MAGI2: variants seen among roughly 807,000 people sequenced by gnomAD.
The protein encoded by MAGI2 is membrane associated guanylate kinase, WW and PDZ domain containing 2, also known as membrane-associated guanylate kinase, WW and PDZ domain-containing protein 2.
In MAGI2, 35 loss-of-function variants were observed where a neutral mutation model predicts 133.3. The observed-to-expected ratio is 0.26, with a 90% CI of 0.20 to 0.35. The LOEUF is 0.35. Among genes scored for constraint, MAGI2 ranks in the 10% least tolerant of loss-of-function variants. The pLI is 1.00. For missense variants in MAGI2, 1,636 were observed against 1,863.4 expected (o/e 0.88, Z 2.25); for synonymous variants, 729 against 710.6 (o/e 1.03, Z -0.41).
chr7:78,450,414 G>T (rs1389048341), intron 6 of MAGI2, among the ~76,000 whole-genome samples: 2 of 152,130 alleles, frequency 1.3e-5, no homozygotes, highest in East Asian at 3.9e-4. Context: ...TCTTGAAATT[G>T]CCCCATTTAG....
rs760058716 is a variant in MAGI2 at position 78,255,930 on chromosome 7, G to C, written c.2047+13C>G. 4 of 1,612,508 alleles carry C rather than the reference G, an allele frequency of 2.5e-6. No homozygotes were observed. Among genetic ancestry groups the C allele is most frequent in the Non-Finnish European group, 3.4e-6 (4 of 1,179,296 alleles). On this transcript the variant is annotated intron_variant, in intron 10 of 21. Transcript: ENST00000354212. ...ACCCACATATTTTATTGCTGAGCCA[G>C]TGTTTGTCTTACCTCCTCGATGGAT...
At chr7:78,447,536 A>T (rs1015623110) in intron 6 of MAGI2, among the ~76,000 whole-genome samples, 1 of 152,074 alleles carries the variant, frequency 6.6e-6, no homozygotes, top group African/African-American at 2.4e-5. Flanking sequence ...TGGATACCCA[A>T]TGGGGATCTG....
At chr7:78,350,403 C>T (rs976087505) in intron 7 of MAGI2, 1 of 152,180 alleles carries the variant, frequency 6.6e-6, no homozygotes, top group Admixed American at 6.5e-5. Context: ...AGAATGAGAT[C>T]CACAGGCATT....
At chr7:78,703,353 C>A (rs1297402241) in intron 2 of MAGI2, among the ~76,000 whole-genome samples, 1 of 151,946 alleles carries the variant, frequency 6.6e-6, no homozygotes, top group Non-Finnish European at 1.5e-5. Context: ...GTTGTAGAAG[C>A]AGACTGTAAC....
intron 2 of MAGI2, among the ~76,000 whole-genome samples, chr7:78,928,652 G>T (rs1380391532): frequency 1.3e-5 from 2 of 152,068 alleles, no homozygotes; most frequent in Admixed American, 6.6e-5. Context: ...AATACTTGCT[G>T]AATGATTAAA....
intron 9 of MAGI2, among the ~76,000 whole-genome samples, chr7:78,302,573 C>T (rs532573180): frequency 2.0e-5 from 3 of 152,254 alleles, no homozygotes; most frequent in South Asian, 2.1e-4. Context: ...TTATTACAAA[C>T]GAATATAAAC....
chr7:79,070,095 T>C (rs1173470535), intron 1 of MAGI2, among the ~76,000 whole-genome samples: 3 of 152,156 alleles, frequency 2.0e-5, no homozygotes, highest in African/African-American at 4.8e-5. Context: ...GGGTTTGCTC[T>C]TCTCAAGGAG....
At chr7:78,075,375 T>C in intron 21 of MAGI2, among the ~76,000 whole-genome samples, 1 of 132,400 alleles carries the variant, frequency 7.6e-6, no homozygotes, top group African/African-American at 3.3e-5. Context: ...ATGTAATAAA[T>C]CTTTTTTTTT....
At chr7:79,027,138 G>A (rs867571848) in intron 1 of MAGI2, among the ~76,000 whole-genome samples, 1 of 151,680 alleles carries the variant, frequency 6.6e-6, no homozygotes, top group African/African-American at 2.4e-5. Flanking sequence ...AAAACTGTAT[G>A]GAGTTTCTAA....
intron 21 of MAGI2, among the ~76,000 whole-genome samples, chr7:78,073,635 C>T (rs559199725): frequency 6.6e-5 from 10 of 152,290 alleles, no homozygotes; most frequent in Admixed American, 1.3e-4. Context: ...TTTTTTCATC[C>T]AGCGGCACCT....
intron 7 of MAGI2, 127 bp downstream of exon 7, chr7:78,369,029 G>T: frequency 1.7e-6 from 1 of 603,352 alleles, no homozygotes; most frequent in Non-Finnish European, 2.8e-6. Context: ...GCTAGTCTTG[G>T]TGGATACTTC....
chr7:78,582,861 A>G (rs1802988297), intron 3 of MAGI2, among the ~76,000 whole-genome samples: 1 of 152,176 alleles, frequency 6.6e-6, no homozygotes, highest in African/African-American at 2.4e-5. Context: ...AGAAAGACCT[A>G]TGTTTCCAAA....
intron 1 of MAGI2, among the ~76,000 whole-genome samples, chr7:79,040,296 C>T (rs1005826200): frequency 6.6e-6 from 1 of 152,062 alleles, no homozygotes; most frequent in Non-Finnish European, 1.5e-5. Context: ...CCGGAGGCCT[C>T]CCCAGCCATT....
At chr7:79,041,798 G>A (rs1343060382) in intron 1 of MAGI2, among the ~76,000 whole-genome samples, 1 of 152,096 alleles carries the variant, frequency 6.6e-6, no homozygotes, top group Non-Finnish European at 1.5e-5. Context: ...AATTAAATAT[G>A]TGTATATATA....
chr7:78,109,295 C>A (rs1819073635), intron 20 of MAGI2, among the ~76,000 whole-genome samples: 2 of 61,868 alleles, frequency 3.2e-5, no homozygotes, highest in Non-Finnish European at 5.7e-5. Flanking sequence ...CAGAGCAAGA[C>A]TCCGTCTCAA....
chr7:78,154,398 C>A (rs191613841), intron 16 of MAGI2, among the ~76,000 whole-genome samples: 1 of 152,170 alleles, frequency 6.6e-6, no homozygotes, highest in Admixed American at 6.5e-5. Flanking sequence ...GAGCCAGCAG[C>A]GTGCTGACCA....
intron 2 of MAGI2, among the ~76,000 whole-genome samples, chr7:78,973,674 A>C (rs780110884): frequency 4.0e-5 from 6 of 151,814 alleles, no homozygotes; most frequent in Non-Finnish European, 8.8e-5. Flanking sequence ...TTTCCCCTGC[A>C]AATGAGGCCT....
intron 4 of MAGI2, among the ~76,000 whole-genome samples, chr7:78,504,658 GT>G (rs1794929031): frequency 6.6e-6 from 1 of 152,036 alleles, no homozygotes; most frequent in East Asian, 1.9e-4. Flanking sequence ...CAGACTTTGA[GT>G]TATCTTACTT....
intron 1 of MAGI2, among the ~76,000 whole-genome samples, chr7:79,439,470 C>T (rs1003763516): frequency 6.6e-6 from 1 of 152,074 alleles, no homozygotes; most frequent in African/African-American, 2.4e-5. Context: ...TATTATACCC[C>T]TCTGCTTCTT....
Sources: allele counts gnomAD v4.1 joint callset (sites outside exome capture counted in the v4.1 genomes callset), GRCh38; gene constraint gnomAD v4.1.1; transcripts MANE v1.5; gene names NCBI Gene and HGNC (gene_info 2026-07-23, HGNC 2026-07-21).